Variants in DACH2 observed in about 807,000 individuals in gnomAD.
DACH2 encodes the protein dachshund homolog 2.
DACH2 carries 17 observed loss-of-function variants against 35.8 expected under a neutral mutation model. The observed-to-expected ratio is 0.48, with a 90% confidence interval of 0.33 to 0.71. The LOEUF is 0.71. DACH2 is among the 30% of genes least tolerant of loss of function. The probability of loss-of-function intolerance (pLI) is 0.02; values close to 1 mark genes in which losing one functional copy is unlikely to be tolerated. For synonymous variants in DACH2, 195 were observed against 177.3 expected, an observed-to-expected ratio of 1.10 and a Z score of -0.79; for missense variants, 469 against 472.7, an observed-to-expected ratio of 0.99 and a Z score of 0.07.
At chrX:86,573,173 G>A (rs1405710269) in intron 3 of DACH2, among the ~76,000 whole-genome samples, 1 of 110,669 alleles carries the variant, frequency 9.0e-6, no homozygotes, top group Non-Finnish European at 1.9e-5. Context: ...AGGAAAGGGG[G>A]AAAGGGATAG....
At chrX:86,815,122 C>G (rs781158449) in intron 10 of DACH2, among the ~76,000 whole-genome samples, 1 of 111,505 alleles carries the variant, frequency 9.0e-6, no homozygotes, top group African/African-American at 3.3e-5. Flanking sequence ...TGATAACCAC[C>G]CTGCACCTAA....
intron 7 of DACH2, among the ~76,000 whole-genome samples, chrX:86,795,936 A>G (rs1265295676): frequency 1.8e-5 from 2 of 110,017 alleles, no homozygotes; most frequent in Non-Finnish European, 3.8e-5. Context: ...GTTACAGCTC[A>G]TAAAGGTAGT....
At chrX:86,185,229 A>G (rs951090029) in intron 1 of DACH2, among the ~76,000 whole-genome samples, 22 of 111,866 alleles carry the variant, frequency 2.0e-4, no homozygotes, top group African/African-American at 7.1e-4. Context: ...TATCATGCAT[A>G]TTTGGCAACT....
intron 4 of DACH2, among the ~76,000 whole-genome samples, chrX:86,667,317 G>A (rs1179297224): frequency 3.2e-5 from 2 of 62,766 alleles, no homozygotes; most frequent in Non-Finnish European, 6.1e-5. Flanking sequence ...AAGGAAGGAA[G>A]GAAGGAAGGA....
At chrX:86,362,942 T>C (rs1413730173) in intron 1 of DACH2, among the ~76,000 whole-genome samples, 1 of 110,872 alleles carries the variant, frequency 9.0e-6, no homozygotes. Flanking sequence ...CAAAAATCCT[T>C]TAGTAAAGTG....
chrX:86,453,930 C>A (rs972868159), intron 2 of DACH2, among the ~76,000 whole-genome samples: 1 of 111,693 alleles, frequency 9.0e-6, no homozygotes, highest in African/African-American at 3.3e-5. Flanking sequence ...TTTTCTTTCC[C>A]ATATTTAGTG....
At chrX:86,311,833 AG>A (rs950827637) in intron 1 of DACH2, among the ~76,000 whole-genome samples, 1 of 111,654 alleles carries the variant, frequency 9.0e-6, no homozygotes, top group Non-Finnish European at 1.9e-5. Context: ...CAGACTATCA[AG>A]ATGAAATCAG....
At chrX:86,357,014 T>C (rs1303512547) in intron 1 of DACH2, among the ~76,000 whole-genome samples, 2 of 111,474 alleles carry the variant, frequency 1.8e-5, no homozygotes, top group Non-Finnish European at 3.8e-5. Context: ...TGCCTTTGTA[T>C]ACCCATAGCT....
intron 1 of DACH2, chrX:86,304,573 A>G (rs1315046946): frequency 6.3e-6 from 1 of 158,449 alleles, no homozygotes; most frequent in African/African-American, 3.1e-5. Flanking sequence ...ACCAGGCTGG[A>G]TATCCTATGT....
chrX:86,276,814 C>A (rs944655751), intron 1 of DACH2, among the ~76,000 whole-genome samples: 6 of 111,812 alleles, frequency 5.4e-5, no homozygotes, highest in African/African-American at 1.6e-4. Context: ...GTTGTTGGTA[C>A]CTTTATCAAA....
chrX:86,186,426 A>C (rs1400284013), intron 1 of DACH2, among the ~76,000 whole-genome samples: 9 of 112,310 alleles, frequency 8.0e-5, no homozygotes, highest in African/African-American at 2.9e-4. Context: ...TATTGAACTT[A>C]TCAATAAACA....
chrX:86,334,090 C>T (rs1194915741), intron 1 of DACH2, among the ~76,000 whole-genome samples: 4 of 112,036 alleles, frequency 3.6e-5, no homozygotes. Flanking sequence ...ATGAATTCAT[C>T]CTTTTTATGG....
chrX:86,728,291 T>A (rs1353522712), intron 6 of DACH2, among the ~76,000 whole-genome samples: 1 of 112,192 alleles, frequency 8.9e-6, no homozygotes, highest in Non-Finnish European at 1.9e-5. Context: ...GTGTTCAAGA[T>A]GTGGCCTGGC....
intron 4 of DACH2, among the ~76,000 whole-genome samples, chrX:86,670,234 C>T (rs1261226789): frequency 9.0e-6 from 1 of 110,920 alleles, no homozygotes; most frequent in Non-Finnish European, 1.9e-5. Context: ...TCACCTTTCA[C>T]ACAAGTTTCC....
intron 1 of DACH2, among the ~76,000 whole-genome samples, chrX:86,199,517 A>G (rs2032090366): frequency 2.7e-5 from 3 of 111,833 alleles, no homozygotes; most frequent in Non-Finnish European, 5.6e-5. Flanking sequence ...AGAAAACCCC[A>G]TAGTCTCAGC....
intron 1 of DACH2, among the ~76,000 whole-genome samples, chrX:86,302,751 C>A (rs767666284): frequency 4.5e-5 from 5 of 110,168 alleles, no homozygotes; most frequent in Non-Finnish European, 9.5e-5. Context: ...AGGAAGCTTA[C>A]ATTGTTTTTT....
At chrX:86,741,228 A>T (rs1273127134) in intron 7 of DACH2, among the ~76,000 whole-genome samples, 3 of 111,665 alleles carry the variant, frequency 2.7e-5, no homozygotes, top group Non-Finnish European at 5.7e-5. Flanking sequence ...CAGAAGGATG[A>T]AGACTATCTC....
intron 3 of DACH2, among the ~76,000 whole-genome samples, chrX:86,522,509 C>T (rs1302469120): frequency 9.0e-6 from 1 of 111,305 alleles, no homozygotes; most frequent in Non-Finnish European, 1.9e-5. Context: ...TGCATTCATT[C>T]TTTCATTTAA....
At chrX:86,585,375 T>TTTAA (rs1025077791) in intron 3 of DACH2, among the ~76,000 whole-genome samples, 1 of 111,221 alleles carries the variant, frequency 9.0e-6, no homozygotes, top group Non-Finnish European at 1.9e-5. Context: ...CTCAATGTGG[T>TTTAA]TTAATTAATT....
Sources: gnomAD v4.1 joint callset for allele counts (sites outside exome capture counted in the v4.1 genomes callset) on GRCh38, gnomAD v4.1.1 for gene constraint, MANE v1.5 for transcripts, NCBI Gene and HGNC (gene_info 2026-07-23, HGNC 2026-07-21) for gene names.